IGFL2: variants seen among roughly 807,000 people sequenced by gnomAD.
The protein encoded by IGFL2 is insulin growth factor-like family member 2.
In IGFL2, 7 loss-of-function variants were observed where a neutral mutation model predicts 13.9. The observed-to-expected ratio is 0.51, with a 90% CI of 0.29 to 0.95. The LOEUF (loss-of-function observed/expected upper bound fraction) is 0.95, where lower values mean the gene tolerates loss of function less well. IGFL2 is among the 40% of genes least tolerant of loss of function. The pLI, the probability that IGFL2 is intolerant of heterozygous loss-of-function variation, is 0.08. For synonymous variants in IGFL2, 55 were observed against 55.8 expected, an observed-to-expected ratio of 0.99 and a Z score of 0.07; for missense variants, 138 against 147.8, an observed-to-expected ratio of 0.93 and a Z score of 0.34.
the IGFL2 span, among the ~76,000 whole-genome samples, chr19:46,136,241 G>A: frequency 1.5e-3 from 231 of 151,680 alleles, 1 homozygote; most frequent in African/African-American, 5.0e-3. Flanking sequence ...GGTAGGTTTG[G>A]TCTCTTTATA....
At chr19:46,176,380 G>C in the IGFL2 span, among the ~76,000 whole-genome samples, 1 of 152,166 alleles carries the variant, frequency 6.6e-6, no homozygotes, top group Non-Finnish European at 1.5e-5. Context: ...AAGAGGGTTT[G>C]AGGCCACTCG....
upstream of IGFL2, among the ~76,000 whole-genome samples, chr19:46,144,439 T>A (rs972985275): frequency 3.9e-5 from 6 of 152,184 alleles, no homozygotes; most frequent in African/African-American, 1.2e-4. Flanking sequence ...CATACATCAT[T>A]GGTTGATATC....
the IGFL2 span, among the ~76,000 whole-genome samples, chr19:46,125,806 T>G: frequency 6.6e-6 from 1 of 152,340 alleles, no homozygotes; most frequent in South Asian, 2.1e-4. Context: ...GCTGTCAGCT[T>G]GTTTACTACC....
chr19:46,204,410 C>G, the IGFL2 span, among the ~76,000 whole-genome samples: 2 of 152,110 alleles, frequency 1.3e-5, no homozygotes, highest in Non-Finnish European at 2.9e-5. Context: ...CCAGGGTGCT[C>G]TTTACATAGA....
chr19:46,195,410 A>G, the IGFL2 span, among the ~76,000 whole-genome samples: 1 of 152,128 alleles, frequency 6.6e-6, no homozygotes, highest in Admixed American at 6.6e-5. Flanking sequence ...CATGACTATT[A>G]CACCCTTTGT....
intron 1 of IGFL2, 114 bp from the exon 2 acceptor site, chr19:46,160,301 G>A: frequency 1.1e-6 from 1 of 871,534 alleles, no homozygotes; most frequent in Non-Finnish European, 1.9e-6. Context: ...CCAAACCCAA[G>A]CCTTTAGAGC....
At chr19:46,208,741 TCC>T in the IGFL2 span, 1 of 152,144 alleles carries the variant, frequency 6.6e-6, no homozygotes, top group Non-Finnish European at 1.5e-5. Flanking sequence ...TCTCTTTCTC[TCC>T]TGCCACCATG....
the IGFL2 span, among the ~76,000 whole-genome samples, chr19:46,079,487 A>T: frequency 6.6e-6 from 1 of 151,950 alleles, no homozygotes; most frequent in Non-Finnish European, 1.5e-5. Context: ...GCCTGTTTGC[A>T]CCCCTATAGC....
intron 1 of IGFL2, among the ~76,000 whole-genome samples, chr19:46,152,889 A>T (rs1973584131): frequency 1.3e-5 from 2 of 152,178 alleles, no homozygotes; most frequent in Admixed American, 1.3e-4. Flanking sequence ...GAAAGAGTGT[A>T]GATTTTGTCA....
the IGFL2 span, among the ~76,000 whole-genome samples, chr19:46,114,990 T>C: frequency 1.3e-5 from 2 of 152,168 alleles, no homozygotes; most frequent in Middle Eastern, 3.2e-3. Context: ...TGAGGACCAG[T>C]GTCCTAGAAT....
the IGFL2 span, chr19:46,120,364 C>T: frequency 6.2e-7 from 1 of 1,610,952 alleles, no homozygotes; most frequent in Admixed American, 1.7e-5. Context: ...GTTCCTATCA[C>T]AGTGCCCCAA....
the IGFL2 span, among the ~76,000 whole-genome samples, chr19:46,120,926 C>T: frequency 6.6e-6 from 1 of 150,760 alleles, no homozygotes; most frequent in Non-Finnish European, 1.5e-5. Context: ...ATAAATACAA[C>T]TATAATTTGT....
the IGFL2 span, among the ~76,000 whole-genome samples, chr19:46,167,604 G>C: frequency 6.6e-6 from 1 of 152,084 alleles, no homozygotes; most frequent in Non-Finnish European, 1.5e-5. Context: ...CACTTTACTG[G>C]ACAAAAATAC....
the IGFL2 span, among the ~76,000 whole-genome samples, chr19:46,133,636 A>G: frequency 1.1e-3 from 165 of 152,374 alleles, no homozygotes; most frequent in Non-Finnish European, 1.9e-3. Context: ...AAGAACGCAG[A>G]GTATATTGAT....
chr19:46,122,576 T>C, the IGFL2 span, among the ~76,000 whole-genome samples: 1 of 151,118 alleles, frequency 6.6e-6, no homozygotes, highest in African/African-American at 2.5e-5. Context: ...TGGTAAAGTT[T>C]ACTGCCTGAA....
In IGFL2 at chr19:46,148,975, G is replaced by A. The variant is rs368601801; in HGVS notation, c.19+678G>A. 65 of 1,593,382 alleles carry A rather than the reference G, an allele frequency of 4.1e-5. No homozygotes were observed. The African/African-American group carries it at 4.2e-4, about 10-fold the overall frequency. ...TGCCTGGAGTTCCTGGGCTCTCAGC[G>A]CCAGGAAATCATGAGGTTCAGTGTC... On this transcript the variant is annotated intron_variant, in intron 1 of 3. Transcript: ENST00000377693.
chr19:46,091,602 A>T, the IGFL2 span, among the ~76,000 whole-genome samples: 1 of 152,228 alleles, frequency 6.6e-6, no homozygotes, highest in Admixed American at 6.5e-5. Flanking sequence ...AGAAAGACTG[A>T]TGTCATTCAT....
At chr19:46,118,593 A>G in the IGFL2 span, among the ~76,000 whole-genome samples, 1 of 152,014 alleles carries the variant, frequency 6.6e-6, no homozygotes, top group Non-Finnish European at 1.5e-5. Flanking sequence ...ACCCCCACAC[A>G]CTCCCACAGG....
the IGFL2 span, chr19:46,120,268 G>T: frequency 1.2e-6 from 2 of 1,606,330 alleles, no homozygotes; most frequent in Non-Finnish European, 1.7e-6. Flanking sequence ...TGTAGTCTCC[G>T]ATGTCCAGCT....
Sources: allele counts gnomAD v4.1 joint callset (sites outside exome capture counted in the v4.1 genomes callset), GRCh38; gene constraint gnomAD v4.1.1; transcripts MANE v1.5; gene names NCBI Gene and HGNC (gene_info 2026-07-23, HGNC 2026-07-21).